CISH: variants seen among roughly 807,000 people sequenced by gnomAD.
The protein encoded by CISH is cytokine inducible SH2 containing protein, also known as cytokine-inducible SH2-containing protein.
A neutral mutation model predicts 21.3 loss-of-function variants in CISH; 11 were observed. The ratio of observed to expected loss-of-function variants is 0.52; its 90% CI spans 0.32 to 0.85. The LOEUF (loss-of-function observed/expected upper bound fraction) is 0.85, where lower values mean the gene tolerates loss of function less well. Among genes scored for constraint, CISH ranks in the 40% least tolerant of loss-of-function variants. The pLI, the probability that CISH is intolerant of heterozygous loss-of-function variation, is 0.03. For missense variants in CISH, 280 were observed against 351.7 expected, an observed-to-expected ratio of 0.80 and a Z score of 1.63; for synonymous variants, 118 against 142.3, an observed-to-expected ratio of 0.83 and a Z score of 1.22.
chr3:50,611,009 A>G (rs1464503105), intron 1 of CISH: 1 of 991,758 alleles, frequency 1.0e-6, no homozygotes, highest in Non-Finnish European at 1.2e-6. Context: ...GCAGGAGCCA[A>G]GGTCCTTCTC....
intron 1 of CISH, chr3:50,609,983 G>C (rs1261996722): frequency 1.0e-5 from 2 of 199,650 alleles, no homozygotes; most frequent in Non-Finnish European, 2.1e-5. Context: ...CCTGACTCCT[G>C]TGTAGGTTAT....
At chr3:50,611,159 G>T in intron 1 of CISH, 3 of 1,001,110 alleles carry the variant, frequency 3.0e-6, no homozygotes, top group Non-Finnish European at 3.6e-6. Flanking sequence ...AGGATCTGCG[G>T]CTGGCTTCCC....
At chr3:50,609,504 G>T in intron 1 of CISH, 1 of 152,358 alleles carries the variant, frequency 6.6e-6, no homozygotes. Flanking sequence ...CTGGGGTTGG[G>T]GGAACTGAGC....
At chr3:50,611,283 G>T in intron 1 of CISH, 1 of 1,237,634 alleles carries the variant, frequency 8.1e-7, no homozygotes, top group Non-Finnish European at 1.0e-6. Flanking sequence ...AGCGTAGAGT[G>T]CTCTGGGCCC....
rs561958767 is a variant in CISH at position 50,607,376 on chromosome 3, A to G, written c.*231T>C. On this transcript the variant is annotated 3_prime_UTR_variant, in exon 3 of 3. Coordinates refer to ENST00000348721, the MANE Select transcript of CISH (RefSeq NM_145071.4). Reference sequence around the variant, plus strand: ...CCTGCCTGTCTCCCCATCCTCTGACACATGGCTCAGTATAATGAAGCCACA... The same window carrying G: ...CCTGCCTGTCTCCCCATCCTCTGACGCATGGCTCAGTATAATGAAGCCACA... 4.3e-4 allele frequency: 244 copies of G among 563,816 alleles called. 4 individuals are homozygous for G. In the East Asian group the frequency reaches 4.5e-3, roughly 10 times the overall value. The allele number at this position is 563,816 out of a possible 1,614,324, so 34.9% of individuals were successfully genotyped here. A position where few individuals can be genotyped will look rare whatever the true frequency, so the allele number is the denominator to read the frequency against.
intron 1 of CISH, chr3:50,610,412 TG>T: frequency 1.3e-6 from 2 of 1,551,534 alleles, no homozygotes; most frequent in South Asian, 2.4e-5. Flanking sequence ...ATCATCATGG[TG>T]GGGACAGTGG....
rs2032197918 is a variant in CISH, at chr3:50,607,765, G to A, written c.619C>T (p.His207Tyr). The A allele has an allele frequency of 6.2e-7, 1 of 1,613,906 alleles. No homozygotes were observed. The highest frequency in any genetic ancestry group is 1.3e-5 in the African/African-American group (1 of 74,930). Residue 207 changes from histidine to tyrosine, a missense_variant, in exon 3 of 3, where the codon CAC becomes TAC. Physicochemically the swap from His to Tyr is moderately conservative, Grantham distance 83 (BLOSUM62 2). Coordinates refer to ENST00000348721, the MANE Select transcript of CISH (RefSeq NM_145071.4). ...ACAAAGGGCTGCACCAGTTTTAGGTGTACAGCAGTGGCTGGTGGAGGAGCA... is the reference window on the plus strand; with the variant it reads ...ACAAAGGGCTGCACCAGTTTTAGGTATACAGCAGTGGCTGGTGGAGGAGCA... Reference protein sequence around the residue: ...LPAPPPATAVHLKLVQPFVRR... With the variant: ...LPAPPPATAVYLKLVQPFVRR...
chr3:50,607,735 T>C lies in CISH; in HGVS notation c.649A>G (p.Arg217Gly). 1 of 1,613,966 alleles carries C rather than the reference T, an allele frequency of 6.2e-7. No individual in the cohort carries two copies. The highest frequency in any genetic ancestry group is 8.5e-7 in the Non-Finnish European group (1 of 1,179,928). ...TGTTGCAGGCTGCGGGCACTGCTTC[T>C]GCGTACAAAGGGCTGCACCAGTTTT... ...HLKLVQPFVRRSSARSLQHLC... is the reference protein window; with the variant it reads ...HLKLVQPFVRGSSARSLQHLC... Residue 217 changes from arginine to glycine, a missense_variant, in exon 3 of 3, where the codon AGA becomes GGA. By Grantham distance (125) the Arg-to-Gly change is moderately radical (BLOSUM62 -2). Transcript: ENST00000348721.
At chr3:50,608,798 A>C in intron 1 of CISH, 1 of 431,918 alleles carries the variant, frequency 2.3e-6, no homozygotes, top group South Asian at 7.1e-5. Flanking sequence ...GATTGTTTCC[A>C]TGTGGGGATC....
Position 50,607,809 on chromosome 3 carries a change from G to T in CISH, c.575C>A (p.Pro192His), listed in dbSNP as rs371715. 1 of 1,613,852 alleles carries T rather than the reference G, an allele frequency of 6.2e-7. No homozygotes were observed. Among genetic ancestry groups the T allele is most frequent in the Non-Finnish European group, 8.5e-7 (1 of 1,179,942 alleles). Residue 192 changes from proline (P) to histidine (H), a missense_variant, in exon 3 of 3, where the codon CCT becomes CAT. Pro to His is a moderately conservative substitution (Grantham distance 77). Transcript: ENST00000348721. ...AGGAGCAGGCAGTGCTGGGTCACTA[G>T]GCGCATCCTCCTTAGGCATAGGCAG... ...PALPMPKEDA[P>H]SDPALPAPPP...
intron 2 of CISH, 64 bp downstream of exon 2, chr3:50,608,309 G>A (rs1575984647): frequency 1.3e-6 from 2 of 1,500,930 alleles, no homozygotes; most frequent in East Asian, 4.6e-5. Flanking sequence ...CAGACTCAAA[G>A]GCAGAACTAA....
rs1414624236 is a variant in CISH, at chr3:50,607,877, A to T, written c.507T>A (p.Ala169=). Residue 169 remains alanine (A), a synonymous_variant, in exon 3 of 3, where the codon GCT becomes GCA. Coordinates refer to ENST00000348721, the MANE Select transcript of CISH (RefSeq NM_145071.4). ...LVQHYVASCT[A]DTRSDSPDPA... is the part of the protein sequence containing the mutation. ...GATCGGGGCTGTCGCTTCGGGTATC[A>T]GCAGTGCAGGAGGCCACATAGTGCT... 6.2e-7 allele frequency: 1 copy of T among 1,613,742 alleles called. No individual in the cohort carries two copies. Among genetic ancestry groups the T allele is most frequent in the Non-Finnish European group, 8.5e-7 (1 of 1,180,028 alleles).
At chr3:50,611,348 T>C in intron 1 of CISH, 1 of 1,332,364 alleles carries the variant, frequency 7.5e-7, no homozygotes. Flanking sequence ...GCCGTTAGCA[T>C]CCATCTGCTC....
At chr3:50,610,613 T>C in intron 1 of CISH, 1 of 1,455,508 alleles carries the variant, frequency 6.9e-7, no homozygotes. Flanking sequence ...GGGGCAGGTA[T>C]TCAGGAGTCC....
At chr3:50,609,518 C>T (rs1001025462) in intron 1 of CISH, 1 of 152,222 alleles carries the variant, frequency 6.6e-6, no homozygotes, top group Admixed American at 6.5e-5. Context: ...ACTGAGCCGA[C>T]CAAAATCTGA....
chr3:50,608,560 C>T lies in CISH; in HGVS notation c.54G>A (p.Gly18=). ...GGGACGGGGCCCACAGGGGCCGCTG[C>T]CCAGTCCGCTCCACAGCCAGCAAAG... ...PRPLLAVERT[G]QRPLWAPSLE... The change falls in exon 2 of 3, where the codon GGG becomes GGA. Residue 18 remains glycine, a synonymous_variant. Coordinates refer to ENST00000348721, the MANE Select transcript of CISH (RefSeq NM_145071.4). The T allele has an allele frequency of 6.4e-7, 1 of 1,570,006 alleles. No homozygotes were observed. Among genetic ancestry groups the T allele is most frequent in the Non-Finnish European group, 8.6e-7 (1 of 1,159,958 alleles).
chr3:50,611,541 C>T (rs916410296), intron 1 of CISH, 90 bp downstream of exon 1: 13 of 1,518,656 alleles, frequency 8.6e-6, no homozygotes, highest in Non-Finnish European at 1.1e-5. Context: ...GCCCGTCAAG[C>T]CCTCCCAATG....
At chr3:50,610,757 A>G in intron 1 of CISH, 2 of 1,233,866 alleles carry the variant, frequency 1.6e-6, no homozygotes, top group Non-Finnish European at 2.0e-6. Context: ...TGCGATAAGC[A>G]CAGCCACCCA....
intron 1 of CISH, chr3:50,610,482 G>T (rs2032290613): frequency 6.4e-7 from 1 of 1,551,322 alleles, no homozygotes; most frequent in Admixed American, 2.0e-5. Context: ...CTAAAACTTT[G>T]TTCCCTGACA....
Sources: allele counts gnomAD v4.1 joint callset, GRCh38; gene constraint gnomAD v4.1.1; transcripts MANE v1.5; gene names NCBI Gene and HGNC (gene_info 2026-07-23, HGNC 2026-07-21).